The following RGS6 variants were observed in gnomAD, a reference collection of about 807,000 sequenced individuals.
RGS6 encodes regulator of G protein signaling 6.
RGS6 carries 30 observed loss-of-function variants against 78.5 expected under a neutral mutation model. That is an observed-to-expected ratio of 0.38 (90% CI 0.29 to 0.52). The LOEUF (loss-of-function observed/expected upper bound fraction) is 0.52, where lower values mean the gene tolerates loss of function less well. RGS6 is among the 20% of genes least tolerant of loss of function. The pLI, the probability that RGS6 is intolerant of heterozygous loss-of-function variation, is 0.85. For synonymous variants in RGS6, 206 were observed against 206.0 expected (o/e 1.00, Z 0.00); for missense variants, 495 against 609.7 (o/e 0.81, Z 1.98).
chr14:72,244,214 A>G (rs2053630640), intron 2 of RGS6, among the ~76,000 whole-genome samples: 1 of 151,862 alleles, frequency 6.6e-6, no homozygotes, highest in Non-Finnish European at 1.5e-5. Context: ...GACCTCTAGG[A>G]GAAGTCCCAG....
At chr14:72,200,730 G>A (rs1270516788) in intron 2 of RGS6, among the ~76,000 whole-genome samples, 1 of 152,090 alleles carries the variant, frequency 6.6e-6, no homozygotes, top group Non-Finnish European at 1.5e-5. Flanking sequence ...TAAATGTCTG[G>A]GGGATTCCAG....
At chr14:72,184,061 T>C (rs2097207138) in intron 2 of RGS6, among the ~76,000 whole-genome samples, 1 of 152,146 alleles carries the variant, frequency 6.6e-6, no homozygotes, top group African/African-American at 2.4e-5. Context: ...TGCTTTTGAT[T>C]GGACTTTCCT....
rs143658724 is a variant in RGS6 at position 72,055,312 on chromosome 14, A to ATTT, written c.84+90445_84+90447dup. Among the ~76,000 whole-genome samples the ATTT allele has an allele frequency of 5.3e-5, 8 of 150,524 alleles. No individual in the cohort carries two copies. In the East Asian group the frequency reaches 1.6e-3, roughly 29 times the overall value. On this transcript the variant is annotated intron_variant, in intron 2 of 17. Coordinates refer to ENST00000553525, the MANE Select transcript of RGS6 (RefSeq NM_001204424.2). ...CAACTCTTTGTATTTTCAGACATCA[A>ATTT]TTTTTTTTTTGCCAATTTTGTGTTT...
At chr14:71,909,812 T>C in the RGS6 span, among the ~76,000 whole-genome samples, 1 of 152,090 alleles carries the variant, frequency 6.6e-6, no homozygotes, top group Admixed American at 6.5e-5. Context: ...AAAACACTTT[T>C]ATAATGGTGA....
intron 2 of RGS6, among the ~76,000 whole-genome samples, chr14:72,050,484 A>G (rs2093163561): frequency 1.3e-5 from 2 of 152,236 alleles, no homozygotes; most frequent in Non-Finnish European, 2.9e-5. Context: ...ATGGAGTACA[A>G]GAGCATATGT....
At chr14:71,963,773 C>T (rs2093351822) in intron 1 of RGS6, among the ~76,000 whole-genome samples, 1 of 152,218 alleles carries the variant, frequency 6.6e-6, no homozygotes, top group Admixed American at 6.5e-5. Flanking sequence ...CACTGATAGA[C>T]ATTTGGGTTG....
At chr14:71,935,536 A>G (rs1445624826) in intron 1 of RGS6, among the ~76,000 whole-genome samples, 1 of 152,144 alleles carries the variant, frequency 6.6e-6, no homozygotes, top group African/African-American at 2.4e-5. Context: ...GGTGGTCCTT[A>G]TTTTCAAAAA....
intron 2 of RGS6, among the ~76,000 whole-genome samples, chr14:72,053,799 A>C (rs544748065): frequency 1.3e-5 from 2 of 152,338 alleles, no homozygotes; most frequent in African/African-American, 4.8e-5. Flanking sequence ...TCTCAAAAAG[A>C]CTGGCTGAGT....
intron 2 of RGS6, among the ~76,000 whole-genome samples, chr14:72,002,938 C>T (rs904974561): frequency 1.3e-5 from 2 of 152,224 alleles, no homozygotes; most frequent in South Asian, 2.1e-4. Flanking sequence ...CCAATATCTT[C>T]GCTCTCAGTA....
chr14:71,996,441 T>C (rs1043894990), intron 2 of RGS6, among the ~76,000 whole-genome samples: 22 of 152,092 alleles, frequency 1.4e-4, no homozygotes, highest in Non-Finnish European at 2.8e-4. Flanking sequence ...ATCTAGTCAT[T>C]GAGAGAGACC....
At chr14:72,262,829 C>T (rs1775002553) in intron 2 of RGS6, among the ~76,000 whole-genome samples, 1 of 152,186 alleles carries the variant, frequency 6.6e-6, no homozygotes, top group Non-Finnish European at 1.5e-5. Context: ...TCAGCCACAG[C>T]TGGATCCAGG....
At chr14:72,047,591 G>T (rs2092943650) in intron 2 of RGS6, among the ~76,000 whole-genome samples, 1 of 152,182 alleles carries the variant, frequency 6.6e-6, no homozygotes, top group Admixed American at 6.5e-5. Context: ...GCTGGACAAA[G>T]ATCACTTTCT....
intron 2 of RGS6, among the ~76,000 whole-genome samples, chr14:72,343,504 A>G (rs555587665): frequency 3.9e-4 from 59 of 152,328 alleles, no homozygotes; most frequent in African/African-American, 1.3e-3. Context: ...TCACATCTAC[A>G]AAGTCCCTTT....
At chr14:72,467,760 G>A (rs569526736) in intron 7 of RGS6, among the ~76,000 whole-genome samples, 65 of 152,280 alleles carry the variant, frequency 4.3e-4, no homozygotes, top group African/African-American at 1.5e-3. Context: ...ACCTTGGCCT[G>A]GTTGTTCTGT....
chr14:72,214,048 A>C (rs778864677), intron 2 of RGS6, among the ~76,000 whole-genome samples: 1 of 149,762 alleles, frequency 6.7e-6, no homozygotes, highest in Non-Finnish European at 1.5e-5. Context: ...GCTGGAGCCA[A>C]CTTATTTCTG....
At chr14:72,177,521 G>A (rs964238810) in intron 2 of RGS6, among the ~76,000 whole-genome samples, 2 of 152,112 alleles carry the variant, frequency 1.3e-5, no homozygotes, top group African/African-American at 2.4e-5. Context: ...GTAGGTCCAG[G>A]GAAAGCTGAC....
At chr14:71,909,768 G>A in the RGS6 span, among the ~76,000 whole-genome samples, 1 of 152,068 alleles carries the variant, frequency 6.6e-6, no homozygotes, top group African/African-American at 2.4e-5. Flanking sequence ...TGGGTTGGGA[G>A]GGGATCCCAA....
At chr14:72,454,471 C>T in intron 3 of RGS6, 57 bp from the exon 4 acceptor site, 1 of 1,523,880 alleles carries the variant, frequency 6.6e-7, no homozygotes, top group East Asian at 2.3e-5. Flanking sequence ...CATGTTTCTT[C>T]TGCCACAGTG....
chr14:71,900,722 T>G, the RGS6 span, among the ~76,000 whole-genome samples: 1 of 152,166 alleles, frequency 6.6e-6, no homozygotes, highest in Non-Finnish European at 1.5e-5. Flanking sequence ...GTTAGGCTGT[T>G]TTTTTATTGC....
Sources: allele counts gnomAD v4.1 joint callset (sites outside exome capture counted in the v4.1 genomes callset), GRCh38; gene constraint gnomAD v4.1.1; transcripts MANE v1.5; gene names NCBI Gene and HGNC (gene_info 2026-07-23, HGNC 2026-07-21).